Variants in CYP24A1 observed in about 807,000 individuals in gnomAD.
The protein encoded by CYP24A1 is 1,25-dihydroxyvitamin D(3) 24-hydroxylase, mitochondrial.
In CYP24A1, 68 loss-of-function variants were observed where a neutral mutation model predicts 62.4. That is an observed-to-expected ratio of 1.09 (90% CI 0.90 to 1.33). CYP24A1 has a LOEUF of 1.33. CYP24A1 is among the 40% of genes most tolerant of loss of function. CYP24A1 has a pLI of 0.00. For synonymous variants in CYP24A1, 267 were observed against 253.0 expected, an observed-to-expected ratio of 1.06 and a Z score of -0.52; for missense variants, 787 against 653.0, an observed-to-expected ratio of 1.21 and a Z score of -2.24.
intron 7 of CYP24A1, 42 bp from the exon 8 acceptor site, chr20:54,159,165 C>G (rs1478793393): frequency 6.7e-7 from 1 of 1,488,420 alleles, no homozygotes; most frequent in Non-Finnish European, 9.4e-7. Flanking sequence ...TTGTAAATAA[C>G]TGCATTAAAC....
chr20:54,145,661 A>AG, the CYP24A1 span, among the ~76,000 whole-genome samples: 6 of 134,090 alleles, frequency 4.5e-5, no homozygotes, highest in East Asian at 2.3e-4. Context: ...AAAAAAAAAA[A>AG]GGGGGCTGCC....
At chr20:54,164,594 G>C in intron 5 of CYP24A1, 31 bp from the exon 6 acceptor site, 1 of 1,613,948 alleles carries the variant, frequency 6.2e-7, no homozygotes, top group Non-Finnish European at 8.5e-7. Context: ...TTTTTATTCT[G>C]AATTCTCCTT....
intron 7 of CYP24A1, 107 bp downstream of exon 7, chr20:54,162,610 C>T: frequency 1.6e-6 from 1 of 628,392 alleles, no homozygotes; most frequent in East Asian, 4.6e-5. Flanking sequence ...GGAGTTGATG[C>T]TAGTGAATCC....
chr20:54,165,678 T>TTCTGTAAAAATCGA, intron 5 of CYP24A1, 64 bp downstream of exon 5: 1 of 891,782 alleles, frequency 1.1e-6, no homozygotes, highest in South Asian at 1.3e-5. Flanking sequence ...CACTGTGAAG[T>TTCTGTAAAAATCGA]TCTGTAAAAA....
Position 54,164,570 on chromosome 20 carries a change from G to T in CYP24A1, c.733-7C>A, listed in dbSNP as rs753016494. The stretch of plus-strand genomic sequence containing the variant: ...TCCCAAACGTGCTCATCATCTGAGA[G>T]AAATGCAAATGCCTTTTTATTCTGA... On this transcript the variant is annotated splice_polypyrimidine_tract_variant and splice_region_variant and intron_variant, in intron 5 of 11. Transcript: ENST00000216862. The T allele has an allele frequency of 1.2e-6, 2 of 1,614,172 alleles. No individual in the cohort carries two copies. Among genetic ancestry groups the T allele is most frequent in the Admixed American group, 1.7e-5 (1 of 60,028 alleles).
chr20:54,162,848 C>G lies in CYP24A1; in HGVS notation c.859G>C (p.Asp287His). Residue 287 changes from aspartate (D) to histidine (H), a missense_variant, in exon 7 of 12, where the codon GAC (aspartate) becomes CAC (histidine). Coordinates refer to ENST00000216862, the MANE Select transcript of CYP24A1 (RefSeq NM_000782.5). ...TIFKSVKACI[D>H]NRLEKYSQQP... ...TGAGAATACTTCTCTAACCGGTTGT[C>G]GATACAAGCTTTGACTATTAGAGCA... 6.3e-7 allele frequency: 1 copy of G among 1,576,630 alleles called. No homozygotes were observed. The highest frequency in any genetic ancestry group is 8.7e-7 in the Non-Finnish European group (1 of 1,146,252).
intron 6 of CYP24A1, among the ~76,000 whole-genome samples, chr20:54,163,628 G>C (rs1164375579): frequency 1.3e-5 from 2 of 152,202 alleles, no homozygotes; most frequent in African/African-American, 4.8e-5. Flanking sequence ...TACCTTATAG[G>C]TGTGTTGTGA....
chr20:54,159,378 T>C (rs2092641732), intron 7 of CYP24A1, among the ~76,000 whole-genome samples: 1 of 150,776 alleles, frequency 6.6e-6, no homozygotes, highest in Non-Finnish European at 1.5e-5. Flanking sequence ...AATCAGCTGC[T>C]TTAGAACATT....
intron 7 of CYP24A1, among the ~76,000 whole-genome samples, chr20:54,162,382 C>T (rs1022097174): frequency 2.0e-5 from 3 of 151,428 alleles, no homozygotes; most frequent in Admixed American, 6.6e-5. Flanking sequence ...CCTGAACTCC[C>T]GTAGCAGTTT....
chr20:54,152,410 C>T (rs1034438459), downstream of CYP24A1, among the ~76,000 whole-genome samples: 6 of 152,222 alleles, frequency 3.9e-5, no homozygotes, highest in Admixed American at 2.6e-4. Context: ...GCTTCTTTCC[C>T]TTCCTCATCC....
At chr20:54,164,360 G>C in intron 6 of CYP24A1, 92 bp downstream of exon 6, 5 of 1,609,178 alleles carry the variant, frequency 3.1e-6, no homozygotes, top group Non-Finnish European at 4.2e-6. Flanking sequence ...GTGGTGATGA[G>C]GCTCAGGAGA....
At position 54,173,615 on chromosome 20, in the gene CYP24A1, G is replaced by T. The variant is rs1601152763; in HGVS notation, c.-36C>A. On this transcript the variant is annotated 5_prime_UTR_variant, in exon 1 of 12. Transcript: ENST00000216862. This position sits in a 1 kb window ranked among gnomAD's most constrained non-coding sequence, Gnocchi z 7.2. ...GACACCGGAGCGCGGGAAGGCAGGA[G>T]GATGGGGTGGGGCGAGGTTGGTACG... is the stretch of plus-strand genomic sequence containing the variant. 1.3e-6 allele frequency: 2 copies of T among 1,514,036 alleles called. No homozygotes were observed. The highest frequency in any genetic ancestry group is 1.4e-5 in the African/African-American group (1 of 73,476). The allele number at this position is 1,514,036 out of a possible 1,614,324, so 93.8% of individuals were successfully genotyped here. A position where few individuals can be genotyped will look rare whatever the true frequency, so the allele number is the denominator to read the frequency against.
At chr20:54,146,837 A>G in the CYP24A1 span, among the ~76,000 whole-genome samples, 41 of 152,340 alleles carry the variant, frequency 2.7e-4, no homozygotes, top group African/African-American at 9.9e-4. Flanking sequence ...CTGATGACTA[A>G]GGGTTCTGCA....
At chr20:54,144,067 C>T in the CYP24A1 span, among the ~76,000 whole-genome samples, 1 of 152,140 alleles carries the variant, frequency 6.6e-6, no homozygotes. Flanking sequence ...CAGGCCTGTG[C>T]CAGCGCTGGC....
chr20:54,155,875 A>G (rs1330750681), intron 11 of CYP24A1, among the ~76,000 whole-genome samples: 1 of 151,958 alleles, frequency 6.6e-6, no homozygotes, highest in Admixed American at 6.6e-5. Context: ...GGAAATTATT[A>G]CTCAGGACGA....
intron 2 of CYP24A1, 157 bp from the exon 3 acceptor site, chr20:54,171,827 A>T: frequency 6.7e-7 from 1 of 1,488,654 alleles, no homozygotes; most frequent in Non-Finnish European, 9.0e-7. Flanking sequence ...AATATTTGGG[A>T]TAAAATAGTG....
chr20:54,166,045 A>G (rs1315488250), intron 4 of CYP24A1, among the ~76,000 whole-genome samples: 1 of 152,220 alleles, frequency 6.6e-6, no homozygotes, highest in East Asian at 1.9e-4. Flanking sequence ...TCCAGGTCCA[A>G]TGACTCATCA....
At chr20:54,166,652 C>A (rs1555890162) in intron 4 of CYP24A1, among the ~76,000 whole-genome samples, 1 of 152,154 alleles carries the variant, frequency 6.6e-6, no homozygotes, top group Non-Finnish European at 1.5e-5. Flanking sequence ...ACCTTAGCGA[C>A]CATTCCATAA....
Position 54,173,489 on chromosome 20 carries a change from T to C in CYP24A1, c.91A>G (p.Thr31Ala). The change falls in exon 1 of 12, where the codon ACG becomes GCG. Residue 31 changes from threonine to alanine, a missense_variant. Coordinates refer to ENST00000216862, the MANE Select transcript of CYP24A1 (RefSeq NM_000782.5). The surrounding 1 kb of genome is among the most constrained non-coding windows in gnomAD (Gnocchi z 7.2). ...PRQPPRLVTS[T>A]AYTSPQPREV... ...CGCGGCTGAGGGGACGTGTACGCCG[T>C]AGATGTCACCAGTCTCGGGGGCTGC... 2.6e-6 allele frequency: 4 copies of C among 1,566,402 alleles called. No homozygotes were observed. Among genetic ancestry groups the C allele is most frequent in the Non-Finnish European group, 3.5e-6 (4 of 1,155,912 alleles).
Sources: gnomAD v4.1 joint callset for allele counts (sites outside exome capture counted in the v4.1 genomes callset) on GRCh38, gnomAD v4.1.1 for gene constraint, Gnocchi (gnomAD v3.1) non-coding constraint, MANE v1.5 for transcripts, NCBI Gene and HGNC (gene_info 2026-07-23, HGNC 2026-07-21) for gene names.